The following GAS2L2 variants were observed in gnomAD, a reference collection of about 807,000 sequenced individuals.
GAS2L2 encodes the protein GAS2-like protein 2.
Under a neutral mutation model 35.2 loss-of-function variants are expected in GAS2L2, and 21 were observed. That is an observed-to-expected ratio of 0.60 (90% confidence interval 0.42 to 0.86). The LOEUF is 0.86. Among genes scored for constraint, GAS2L2 ranks in the 40% least tolerant of loss-of-function variants. The pLI is 0.00. For synonymous variants in GAS2L2, 490 were observed against 473.2 expected (o/e 1.04, Z -0.46); for missense variants, 1,169 against 1,144.4 (o/e 1.02, Z -0.31).
At chr17:35,751,629 C>T (rs1039256134) in intron 1 of GAS2L2, among the ~76,000 whole-genome samples, 1 of 151,174 alleles carries the variant, frequency 6.6e-6, no homozygotes, top group East Asian at 2.0e-4. Flanking sequence ...GATCGAACCA[C>T]TGTACTCCAG....
chr17:35,752,082 C>T (rs1281963534), intron 1 of GAS2L2, among the ~76,000 whole-genome samples: 17 of 152,052 alleles, frequency 1.1e-4, no homozygotes, highest in African/African-American at 4.1e-4. Flanking sequence ...CCACCGGCCT[C>T]AGCCTCCCAA....
In GAS2L2 at chr17:35,744,921, G is replaced by C. The variant is rs965268678; in HGVS notation, c.2576C>G (p.Pro859Arg). 2.5e-6 allele frequency: 4 copies of C among 1,613,388 alleles called. No homozygotes were observed. Among genetic ancestry groups the C allele is most frequent in the Non-Finnish European group, 3.4e-6 (4 of 1,179,630 alleles). Residue 859 changes from proline (P) to arginine (R), a missense_variant, in exon 6 of 6, where the codon CCA becomes CGA. Physicochemically the swap from Pro to Arg is moderately radical, Grantham distance 103. Coordinates refer to ENST00000604641, the MANE Select transcript of GAS2L2 (RefSeq NM_139285.4). ...AAPLESSPQP[P>R]EGLQPHWLNQ... The stretch of plus-strand genomic sequence containing the variant: ...AAGCCAGTGAGGTTGCAGGCCCTCT[G>C]GAGGTTGGGGGCTGCTCTCCAATGG...
Position 35,745,224 on chromosome 17 carries a change from CCCTTGCTCAGACATG to C in GAS2L2, c.2258_2272del (p.Ala753_Lys757del), listed in dbSNP as rs782311273. On this transcript the variant is annotated inframe_deletion, in exon 6 of 6. Transcript: ENST00000604641. ...CTTGGGCTTCCGGAGAGTTCTCCTG[CCCTTGCTCAGACATG>C]CCTTGGCTTTGTCAGAGTTGGGGTC... 1 of 1,605,408 alleles carries C rather than the reference CCCTTGCTCAGACATG, an allele frequency of 6.2e-7. No homozygotes were observed. The highest frequency in any genetic ancestry group is 8.5e-7 in the Non-Finnish European group (1 of 1,174,600).
Position 35,745,087 on chromosome 17 carries a change from G to A in GAS2L2, c.2410C>T (p.Leu804=). Residue 804 remains leucine (L), a synonymous_variant, in exon 6 of 6, where the codon CTG becomes TTG. Transcript: ENST00000604641. ...RIPRPLAYVF[L]GPARQPPKDR... is the part of the protein sequence containing the mutation. ...TTGGGGGGCTGCCTGGCTGGACCCA[G>A]GAAGACATAGGCCAGTGGCCTGGGG... The A allele has an allele frequency of 6.2e-7, 1 of 1,613,770 alleles. No individual in the cohort carries two copies. Among genetic ancestry groups the A allele is most frequent in the Non-Finnish European group, 8.5e-7 (1 of 1,179,910 alleles).
chr17:35,746,786 C>T (rs1555599042), intron 5 of GAS2L2, among the ~76,000 whole-genome samples: 1 of 152,190 alleles, frequency 6.6e-6, no homozygotes, highest in East Asian at 1.9e-4. Context: ...AGGAAACCTT[C>T]AGTAAGTCTG....
At chr17:35,750,962 G>T (rs1302828198) in intron 1 of GAS2L2, among the ~76,000 whole-genome samples, 2 of 151,914 alleles carry the variant, frequency 1.3e-5, no homozygotes, top group Non-Finnish European at 2.9e-5. Context: ...CACAATGTCC[G>T]GCACATGCAA....
rs1185207508 is a variant in GAS2L2, at chr17:35,750,334, G to A, written c.386-16C>T. On this transcript the variant is annotated splice_polypyrimidine_tract_variant and intron_variant, in intron 1 of 5. Coordinates refer to ENST00000604641, the MANE Select transcript of GAS2L2 (RefSeq NM_139285.4). ...ATCAGCACCTCTGGAGTGGAGGCGG[G>A]GAGAAAAGGGCAGAGGCAGCGTGAG... The A allele has an allele frequency of 1.2e-6, 2 of 1,613,774 alleles. No homozygotes were observed. The highest frequency in any genetic ancestry group is 2.2e-5 in the East Asian group (1 of 44,874).
chr17:35,747,413 T>C, intron 4 of GAS2L2, 145 bp from the exon 5 acceptor site: 8 of 960,362 alleles, frequency 8.3e-6, no homozygotes, highest in Non-Finnish European at 1.2e-5. Context: ...GGAGTTTCTT[T>C]ACGGGAGGGG....
At position 35,752,545 on chromosome 17, in the gene GAS2L2, G is replaced by A. The variant is rs376658740; in HGVS notation, c.306C>T (p.Ala102=). The A allele has an allele frequency of 5.0e-6, 8 of 1,613,254 alleles. No homozygotes were observed. Among genetic ancestry groups the A allele is most frequent in the African/African-American group, 2.7e-5 (2 of 74,926 alleles). Residue 102 remains alanine, a synonymous_variant, in exon 1 of 6, where the codon GCC becomes GCT. Transcript: ENST00000604641. Reference sequence around the variant, plus strand: ...TGGCCTGGAAGGTACCTGGCTGGGCGGCCCCATTGCAGGAGACCCCGACCC... The same window carrying A: ...TGGCCTGGAAGGTACCTGGCTGGGCAGCCCCATTGCAGGAGACCCCGACCC... ...MPRVGVSCNG[A]AQPGTFQARD...
Position 35,745,899 on chromosome 17 carries a change from C to T in GAS2L2, c.1598G>A (p.Arg533Lys). 1 of 1,613,260 alleles carries T rather than the reference C, an allele frequency of 6.2e-7. No homozygotes were observed. The highest frequency in any genetic ancestry group is 1.3e-5 in the African/African-American group (1 of 75,060). Residue 533 changes from arginine to lysine, a missense_variant, in exon 6 of 6, where the codon AGA becomes AAA. Around this residue, in one of 3 missense-constraint regions of GAS2L2, gnomAD observed 1,035 missense variants for 976.5 expected, o/e 1.06. Coordinates refer to ENST00000604641, the MANE Select transcript of GAS2L2 (RefSeq NM_139285.4). ...TSGSPRTELG[R>K]DPIPLRAVTV... ...GACGGCCCTTAGTGGGATGGGGTCT[C>T]TCCCAAGTTCTGTCCTGGGACTTCC... is the stretch of plus-strand genomic sequence containing the variant.
rs587723276 is a variant in GAS2L2, at chr17:35,745,817, C to G, written c.1680G>C (p.Glu560Asp). 3.3e-5 allele frequency: 54 copies of G among 1,613,858 alleles called. No individual in the cohort carries two copies. In the East Asian group the frequency reaches 1.0e-3, roughly 31 times the overall value. Residue 560 changes from glutamate to aspartate, a missense_variant, in exon 6 of 6, where the codon GAG becomes GAC. This residue lies in a region of GAS2L2 where 1,035 missense variants were observed against 976.5 expected (regional missense o/e 1.06). Coordinates refer to ENST00000604641, the MANE Select transcript of GAS2L2 (RefSeq NM_139285.4). ...TGACCTGGATGTCCAGCTGCTGGTC[C>G]TCCTGCCTCACTTCCACAGAGCAGT... ...HGDCSVEVRQ[E>D]DQQLDIQVMA... is the part of the protein sequence containing the mutation.
At chr17:35,749,934 T>G in intron 2 of GAS2L2, 143 bp downstream of exon 2, 1 of 755,708 alleles carries the variant, frequency 1.3e-6, no homozygotes, top group Non-Finnish European at 2.2e-6. Flanking sequence ...AACCGTGCCT[T>G]AAAGCCACAC....
chr17:35,747,344 C>A, intron 4 of GAS2L2, 76 bp from the exon 5 acceptor site: 1 of 1,472,734 alleles, frequency 6.8e-7, no homozygotes, highest in Admixed American at 2.2e-5. Flanking sequence ...GTTCCTCCCC[C>A]AGTGGTCCCA....
At position 35,750,335 on chromosome 17, in the gene GAS2L2, G is replaced by C. The variant is rs1445109510; in HGVS notation, c.386-17C>G. On this transcript the variant is annotated splice_polypyrimidine_tract_variant and intron_variant, in intron 1 of 5. Coordinates refer to ENST00000604641, the MANE Select transcript of GAS2L2 (RefSeq NM_139285.4). ...TCAGCACCTCTGGAGTGGAGGCGGG[G>C]AGAAAAGGGCAGAGGCAGCGTGAGC... 3 of 1,613,786 alleles carry C rather than the reference G, an allele frequency of 1.9e-6. No homozygotes were observed. In the East Asian group the frequency reaches 6.7e-5, roughly 36 times the overall value.
Position 35,752,811 on chromosome 17 carries a change from G to T in GAS2L2, c.40C>A (p.Leu14Ile), listed in dbSNP as rs370173315. 54 of 1,609,742 alleles carry T rather than the reference G, an allele frequency of 3.4e-5. No homozygotes were observed. The highest frequency in any genetic ancestry group is 4.4e-5 in the Non-Finnish European group (52 of 1,177,262). ...PAGGRRKPRT[L>I]GPPVCSIRPF... ...CGGATACTGCACACAGGCGGCCCTAGGGTCCTGGGCTTCCTCCTGCCTCCC... is the reference window on the plus strand; with the variant it reads ...CGGATACTGCACACAGGCGGCCCTATGGTCCTGGGCTTCCTCCTGCCTCCC... Residue 14 changes from leucine (L) to isoleucine (I), a missense_variant, in exon 1 of 6, where the codon CTA becomes ATA. By Grantham distance (5) the Leu-to-Ile change is conservative. Around this residue, in one of 3 missense-constraint regions of GAS2L2, gnomAD observed 127 missense variants for 146.1 expected, o/e 0.87. Coordinates refer to ENST00000604641, the MANE Select transcript of GAS2L2 (RefSeq NM_139285.4).
intron 3 of GAS2L2, among the ~76,000 whole-genome samples, chr17:35,748,827 C>T (rs1447504586): frequency 6.6e-6 from 1 of 152,106 alleles, no homozygotes; most frequent in Non-Finnish European, 1.5e-5. Flanking sequence ...AGGGTGGTGG[C>T]TCTGGCTGCC....
In GAS2L2 at chr17:35,745,844, C is replaced by A. The variant is rs782675737; in HGVS notation, c.1653G>T (p.Gly551=). The part of the protein sequence containing the change: ...VTVDLAGSTH[G]DCSVEVRQED... ...CCTGCCTCACTTCCACAGAGCAGTC[C>A]CCATGCGTGGACCCAGCCAGGTCCA... Residue 551 remains glycine (G), a synonymous_variant, in exon 6 of 6, where the codon GGG becomes GGT. Coordinates refer to ENST00000604641, the MANE Select transcript of GAS2L2 (RefSeq NM_139285.4). 1.2e-6 allele frequency: 2 copies of A among 1,613,884 alleles called. No individual in the cohort carries two copies. The highest frequency in any genetic ancestry group is 1.7e-6 in the Non-Finnish European group (2 of 1,180,036).
chr17:35,745,970 A>G lies in GAS2L2; in HGVS notation c.1527T>C (p.Pro509=), dbSNP rs375314321. The change falls in exon 6 of 6, where the codon CCT becomes CCC. Residue 509 remains proline (P), a synonymous_variant. Transcript: ENST00000604641. Reference sequence around the variant, plus strand: ...TCCTTCCTGGTGTTGGGGGGCGAGCAGGGGGCAGCCGGATGGGGATCTTGG... The same window carrying G: ...TCCTTCCTGGTGTTGGGGGGCGAGCGGGGGGCAGCCGGATGGGGATCTTGG... ...GLTKIPIRLP[P]ARPPTPGRSF... is the part of the protein sequence containing the mutation. The G allele has an allele frequency of 1.9e-6, 3 of 1,603,686 alleles. No individual in the cohort carries two copies. In the African/African-American group the frequency reaches 4.0e-5, roughly 21 times the overall value.
At position 35,745,193 on chromosome 17, in the gene GAS2L2, G is replaced by C. The variant is rs373158371; in HGVS notation, c.2304C>G (p.Val768=). ...TCAGCTTCAGCTTGTAGATGGACGG[G>C]ACCCTCTTGGGCTTCCGGAGAGTTC... ...GRRTLRKPKR[V]PSIYKLKLRP... Residue 768 remains valine (V), a synonymous_variant, in exon 6 of 6, where the codon GTC becomes GTG. Coordinates refer to ENST00000604641, the MANE Select transcript of GAS2L2 (RefSeq NM_139285.4). The C allele has an allele frequency of 5.0e-6, 8 of 1,611,084 alleles. No homozygotes were observed. Among genetic ancestry groups the C allele is most frequent in the Non-Finnish European group, 6.8e-6 (8 of 1,177,838 alleles).
Sources: allele counts gnomAD v4.1 joint callset (sites outside exome capture counted in the v4.1 genomes callset), GRCh38; gene constraint gnomAD v4.1.1; regional missense constraint gnomAD v4.1.1; transcripts MANE v1.5; gene names NCBI Gene and HGNC (gene_info 2026-07-23, HGNC 2026-07-21).